Variants in PRKCH observed in about 807,000 individuals in gnomAD.
PRKCH encodes the protein protein kinase C eta.
In PRKCH, 28 loss-of-function variants were observed where a neutral mutation model predicts 82.5. That is an observed-to-expected ratio of 0.34 (90% CI 0.25 to 0.47). The LOEUF (loss-of-function observed/expected upper bound fraction) is 0.47. Ranked by LOEUF, PRKCH falls within the 20% of genes least tolerant of loss-of-function variation. The pLI, the probability that PRKCH is intolerant of heterozygous loss-of-function variation, is 1.00. For synonymous variants in PRKCH, 322 were observed against 327.4 expected, an observed-to-expected ratio of 0.98 and a Z score of 0.18; for missense variants, 705 against 881.8, an observed-to-expected ratio of 0.80 and a Z score of 2.54.
intron 2 of PRKCH, among the ~76,000 whole-genome samples, chr14:61,422,453 A>T (rs1313893532): frequency 6.6e-6 from 1 of 152,154 alleles, no homozygotes; most frequent in Non-Finnish European, 1.5e-5. Context: ...CCTTTCTAGA[A>T]TATATCCTGT....
chr14:61,488,167 A>G (rs1287607205), intron 10 of PRKCH, among the ~76,000 whole-genome samples: 2 of 151,442 alleles, frequency 1.3e-5, no homozygotes, highest in Non-Finnish European at 2.9e-5. Flanking sequence ...AAAAAAAAAG[A>G]AAAAAATTCG....
intron 1 of PRKCH, among the ~76,000 whole-genome samples, chr14:61,295,883 T>C (rs2045402497): frequency 6.6e-6 from 1 of 152,184 alleles, no homozygotes; most frequent in Non-Finnish European, 1.5e-5. Flanking sequence ...TTAAACCCTT[T>C]GCTGGTTTTC....
intron 1 of PRKCH, among the ~76,000 whole-genome samples, chr14:61,380,357 G>A (rs1172043017): frequency 1.3e-5 from 2 of 152,146 alleles, no homozygotes; most frequent in Non-Finnish European, 2.9e-5. Flanking sequence ...CTCCCAAAGT[G>A]TTGGGATTTC....
chr14:61,523,303 T>G (rs1337412768), intron 10 of PRKCH, among the ~76,000 whole-genome samples: 1 of 152,228 alleles, frequency 6.6e-6, no homozygotes, highest in Non-Finnish European at 1.5e-5. Context: ...TTCATAGTAA[T>G]ATGCATAAAA....
At chr14:61,405,290 T>G (rs1350296644) in intron 2 of PRKCH, among the ~76,000 whole-genome samples, 1 of 152,190 alleles carries the variant, frequency 6.6e-6, no homozygotes, top group Non-Finnish European at 1.5e-5. Context: ...TCAGTTCTAG[T>G]TATGGATTAT....
At chr14:61,345,972 G>A (rs3783812) in intron 1 of PRKCH, among the ~76,000 whole-genome samples, 104,286 of 151,976 alleles carry the variant, frequency 0.69, 37,124 homozygotes, top group Non-Finnish European at 0.79. Flanking sequence ...ATGAAGAAAA[G>A]TAAAAATTTT....
chr14:61,346,408 C>A (rs1313089907), intron 1 of PRKCH, among the ~76,000 whole-genome samples: 1 of 152,194 alleles, frequency 6.6e-6, no homozygotes, highest in Non-Finnish European at 1.5e-5. Context: ...TCATGTTGTA[C>A]GTTCTGCAAA....
intron 9 of PRKCH, among the ~76,000 whole-genome samples, chr14:61,464,556 C>G (rs1282192275): frequency 6.6e-6 from 1 of 152,036 alleles, no homozygotes; most frequent in East Asian, 1.9e-4. Context: ...TTGCCCTTGC[C>G]CTCCCACCCA....
chr14:61,404,059 A>T (rs1036181484), intron 2 of PRKCH, among the ~76,000 whole-genome samples: 9 of 152,332 alleles, frequency 5.9e-5, no homozygotes, highest in South Asian at 2.1e-4. Flanking sequence ...TTGTGTTGGT[A>T]ACCCTTTTCC....
In PRKCH at chr14:61,391,323, T is replaced by C. The variant is rs189545538; in HGVS notation, c.427+35T>C. 2.6e-6 allele frequency: 4 copies of C among 1,539,580 alleles called. No homozygotes were observed. In the African/African-American group the frequency reaches 5.6e-5, roughly 21 times the overall value. On this transcript the variant is annotated intron_variant, in intron 2 of 13. Transcript: ENST00000332981. ...AGTTTTGGGTAGTTTCCAGAATACA[T>C]GTAATCTTGGTTTACACTCAGTAGG...
chr14:61,195,016 G>A (rs2044431257), intron 1 of PRKCH, among the ~76,000 whole-genome samples: 1 of 152,216 alleles, frequency 6.6e-6, no homozygotes, highest in South Asian at 2.1e-4. Context: ...TTACAGGCGT[G>A]AGCCACTGCG....
intron 1 of PRKCH, chr14:61,306,137 C>T (rs911303745): frequency 1.3e-5 from 2 of 152,218 alleles, no homozygotes; most frequent in South Asian, 4.1e-4. Context: ...GGTCTATCCT[C>T]TTTAGAATTT....
intron 1 of PRKCH, among the ~76,000 whole-genome samples, chr14:61,239,403 G>C (rs572214830): frequency 2.0e-5 from 3 of 152,160 alleles, no homozygotes; most frequent in Non-Finnish European, 4.4e-5. Flanking sequence ...CTAAAATGGC[G>C]TCAGCACCAA....
intron 12 of PRKCH, among the ~76,000 whole-genome samples, chr14:61,542,743 C>A (rs776216489): frequency 2.6e-5 from 4 of 152,116 alleles, no homozygotes; most frequent in Non-Finnish European, 5.9e-5. Flanking sequence ...GATGGACTTA[C>A]AAGTTTGGCA....
chr14:61,288,810 T>C (rs982759094), intron 1 of PRKCH, among the ~76,000 whole-genome samples: 1 of 152,180 alleles, frequency 6.6e-6, no homozygotes, highest in African/African-American at 2.4e-5. Context: ...CTCTTTGACT[T>C]AGTCGGAAAT....
chr14:61,313,440 C>T (rs1443855266), intron 1 of PRKCH, among the ~76,000 whole-genome samples: 3 of 152,088 alleles, frequency 2.0e-5, no homozygotes, highest in Non-Finnish European at 2.9e-5. Flanking sequence ...TTAAGTTCTG[C>T]ATTCAGAATT....
At chr14:61,374,172 T>C (rs2046400486) in intron 1 of PRKCH, among the ~76,000 whole-genome samples, 1 of 152,172 alleles carries the variant, frequency 6.6e-6, no homozygotes, top group African/African-American at 2.4e-5. Flanking sequence ...TAATCTCCTT[T>C]GACTCCATGT....
intron 9 of PRKCH, among the ~76,000 whole-genome samples, chr14:61,482,558 G>A (rs954859786): frequency 9.2e-5 from 14 of 152,132 alleles, no homozygotes; most frequent in South Asian, 2.1e-4. Context: ...TTAAGTCGTC[G>A]TCGTGTCTCA....
chr14:61,505,401 T>C (rs867872126), intron 10 of PRKCH, among the ~76,000 whole-genome samples: 23 of 102,386 alleles, frequency 2.2e-4, no homozygotes, highest in African/African-American at 9.7e-4. Flanking sequence ...TTTTCTTTTT[T>C]TTTTTTTTTT....
Sources: gnomAD v4.1 joint callset for allele counts (sites outside exome capture counted in the v4.1 genomes callset) on GRCh38, gnomAD v4.1.1 for gene constraint, MANE v1.5 for transcripts, NCBI Gene and HGNC (gene_info 2026-07-23, HGNC 2026-07-21) for gene names.